GALNT17: variants seen among roughly 807,000 people sequenced by gnomAD.
The protein encoded by GALNT17 is polypeptide N-acetylgalactosaminyltransferase 17.
Under a neutral mutation model 63.7 loss-of-function variants are expected in GALNT17, and 29 were observed. The ratio of observed to expected loss-of-function variants is 0.46; its 90% CI spans 0.34 to 0.62. The LOEUF (loss-of-function observed/expected upper bound fraction) is 0.62. Among genes scored for constraint, GALNT17 ranks in the 20% least tolerant of loss-of-function variants. The probability of loss-of-function intolerance (pLI) is 0.01; values close to 1 mark genes in which losing one functional copy is unlikely to be tolerated. For missense variants in GALNT17, 603 were observed against 799.6 expected, an observed-to-expected ratio of 0.75 and a Z score of 2.97; for synonymous variants, 305 against 318.3, an observed-to-expected ratio of 0.96 and a Z score of 0.45.
chr7:71,289,938 G>A (rs529454022), intron 1 of GALNT17, among the ~76,000 whole-genome samples: 56 of 151,686 alleles, frequency 3.7e-4, no homozygotes, highest in South Asian at 4.2e-4. Context: ...CCAGCTATTC[G>A]GGAGGCTGAG....
At chr7:71,580,398 A>ATGAT (rs992582367) in intron 6 of GALNT17, among the ~76,000 whole-genome samples, 3 of 85,652 alleles carry the variant, frequency 3.5e-5, no homozygotes, top group South Asian at 4.7e-4. Context: ...TGATAGATGG[A>ATGAT]TGATAGATAG....
In GALNT17 at chr7:71,252,630, A is replaced by C. The variant is rs150848043; in HGVS notation, c.239-82920A>C. Among the ~76,000 whole-genome samples, 47 of 152,290 alleles carry C rather than the reference A, an allele frequency of 3.1e-4. No homozygotes were observed. The East Asian group carries it at 8.1e-3, about 26-fold the overall frequency. ...CACATTTCATTTCAGGAATATTGACATGTTAAGTTGGGATGCTGACCCAGA... is the reference window on the plus strand; with the variant it reads ...CACATTTCATTTCAGGAATATTGACCTGTTAAGTTGGGATGCTGACCCAGA... On this transcript the variant is annotated intron_variant, in intron 1 of 10. Coordinates refer to ENST00000333538, the MANE Select transcript of GALNT17 (RefSeq NM_022479.3).
intron 3 of GALNT17, among the ~76,000 whole-genome samples, chr7:71,404,252 GC>G (rs1793289162): frequency 6.6e-6 from 1 of 152,192 alleles, no homozygotes; most frequent in South Asian, 2.1e-4. Context: ...TTTACAAAGT[GC>G]CCCTCATGAA....
chr7:71,420,133 G>A (rs1028393735), intron 4 of GALNT17, among the ~76,000 whole-genome samples: 8 of 152,046 alleles, frequency 5.3e-5, no homozygotes, highest in Admixed American at 2.6e-4. Context: ...CCCTTCCCGC[G>A]CCTGCCTCGG....
intron 2 of GALNT17, among the ~76,000 whole-genome samples, chr7:71,351,874 G>A (rs553244639): frequency 1.4e-4 from 21 of 152,262 alleles, no homozygotes; most frequent in African/African-American, 4.8e-4. Flanking sequence ...CTGATCTGGG[G>A]TATGTTTTTA....
At chr7:71,398,551 C>A (rs1793181577) in intron 3 of GALNT17, among the ~76,000 whole-genome samples, 1 of 152,128 alleles carries the variant, frequency 6.6e-6, no homozygotes, top group Non-Finnish European at 1.5e-5. Context: ...TAGTCTGTTT[C>A]TAAAAGTTAC....
chr7:71,552,320 C>T (rs1173758053), intron 5 of GALNT17, among the ~76,000 whole-genome samples: 1 of 152,104 alleles, frequency 6.6e-6, no homozygotes, highest in Non-Finnish European at 1.5e-5. Context: ...GCTAGGATTA[C>T]AGGCGTGAGC....
At chr7:71,389,056 G>T (rs968421796) in intron 3 of GALNT17, among the ~76,000 whole-genome samples, 1 of 152,070 alleles carries the variant, frequency 6.6e-6, no homozygotes, top group African/African-American at 2.4e-5. Flanking sequence ...CCTCCTGTCA[G>T]ATCAGCAGTA....
At chr7:71,662,215 T>A (rs988002225) in intron 6 of GALNT17, among the ~76,000 whole-genome samples, 2 of 152,100 alleles carry the variant, frequency 1.3e-5, no homozygotes, top group Non-Finnish European at 2.9e-5. Flanking sequence ...GTGTCTGTCA[T>A]CCCTGCTAAG....
At chr7:71,336,539 T>G (rs1277943791) in intron 2 of GALNT17, among the ~76,000 whole-genome samples, 1 of 152,176 alleles carries the variant, frequency 6.6e-6, no homozygotes, top group Admixed American at 6.5e-5. Flanking sequence ...GTTCCCCTCT[T>G]TATGTCCATG....
intron 1 of GALNT17, among the ~76,000 whole-genome samples, chr7:71,307,284 T>C (rs1051963914): frequency 1.3e-5 from 2 of 152,156 alleles, no homozygotes; most frequent in African/African-American, 4.8e-5. Context: ...TTTCTCCACA[T>C]CCTCGCCAAC....
chr7:71,412,811 G>A (rs1793454187), intron 3 of GALNT17, among the ~76,000 whole-genome samples: 1 of 152,198 alleles, frequency 6.6e-6, no homozygotes, highest in South Asian at 2.1e-4. Context: ...AAGAGGCTGA[G>A]GTAGGGGGAT....
intron 3 of GALNT17, among the ~76,000 whole-genome samples, chr7:71,406,977 T>C (rs941851056): frequency 3.9e-5 from 6 of 152,218 alleles, no homozygotes; most frequent in Non-Finnish European, 8.8e-5. Flanking sequence ...GATGCAGAAA[T>C]GTCAAGTGTC....
chr7:71,430,910 A>C lies in GALNT17; in HGVS notation c.962+9805A>C, dbSNP rs557832628. Among the ~76,000 whole-genome samples, 5 of 152,316 alleles carry C rather than the reference A, an allele frequency of 3.3e-5. No homozygotes were observed. The East Asian group carries it at 9.6e-4, about 29-fold the overall frequency. On this transcript the variant is annotated intron_variant, in intron 5 of 10. Transcript: ENST00000333538. ...TATTTTAGGGGCCAATTGTGTGCTC[A>C]GCTTTGGGGTAAGCATTTCCAGCAG...
intron 1 of GALNT17, among the ~76,000 whole-genome samples, chr7:71,323,314 G>C (rs1791649411): frequency 1.3e-5 from 2 of 152,166 alleles, no homozygotes. Context: ...TACAGTATAA[G>C]CTGGGTCGCC....
chr7:71,308,085 A>G (rs1003056900), intron 1 of GALNT17, among the ~76,000 whole-genome samples: 1 of 152,004 alleles, frequency 6.6e-6, no homozygotes, highest in Non-Finnish European at 1.5e-5. Context: ...AGTTTGTTGC[A>G]TGGGGGCAGT....
At chr7:71,224,109 C>T (rs1179299166) in intron 1 of GALNT17, among the ~76,000 whole-genome samples, 4 of 152,080 alleles carry the variant, frequency 2.6e-5, no homozygotes, top group African/African-American at 4.8e-5. Context: ...GGCTGGAGAG[C>T]AGTGGTGCGA....
In GALNT17 at chr7:71,137,139, C is replaced by CTTTT. The variant is rs398005145; in HGVS notation, c.238+4114_238+4117dup. Among the ~76,000 whole-genome samples, 633 of 117,342 alleles carry CTTTT rather than the reference C, an allele frequency of 5.4e-3. 22 individuals are homozygous for CTTTT. Among genetic ancestry groups the CTTTT allele is most frequent in the Non-Finnish European group, 7.8e-3 (465 of 59,856 alleles). 77.0% of individuals were successfully genotyped at this position (117,342 alleles called of 152,430 possible). A position where few individuals can be genotyped will look rare whatever the true frequency, so the allele number is the denominator to read the frequency against. On this transcript the variant is annotated intron_variant, in intron 1 of 10. Transcript: ENST00000333538. ...TTAAGGGCTGGAATCATATTTTTGACTTTTTTTTTTTTTTTTTTGAGACAG... is the reference window on the plus strand; with the variant it reads ...TTAAGGGCTGGAATCATATTTTTGACTTTTTTTTTTTTTTTTTTTTTTGAGACAG...
intron 1 of GALNT17, among the ~76,000 whole-genome samples, chr7:71,256,772 C>T (rs1790297180): frequency 6.6e-6 from 1 of 152,166 alleles, no homozygotes; most frequent in Non-Finnish European, 1.5e-5. Flanking sequence ...CAATATGGGG[C>T]CGCTCTTTTT....
Sources: allele counts gnomAD v4.1 joint callset (sites outside exome capture counted in the v4.1 genomes callset), GRCh38; gene constraint gnomAD v4.1.1; transcripts MANE v1.5; gene names NCBI Gene and HGNC (gene_info 2026-07-23, HGNC 2026-07-21).